The following CACNB2 variants were observed in gnomAD, a reference collection of about 807,000 sequenced individuals.
CACNB2 encodes calcium voltage-gated channel auxiliary subunit beta 2, also known as voltage-dependent L-type calcium channel subunit beta-2.
Under a neutral mutation model 73.3 loss-of-function variants are expected in CACNB2, and 42 were observed. That is an observed-to-expected ratio of 0.57 (90% CI 0.45 to 0.74). The LOEUF is 0.74. Among genes scored for constraint, CACNB2 ranks in the 30% least tolerant of loss-of-function variants. CACNB2 has a pLI of 0.00. For missense variants in CACNB2, 940 were observed against 853.0 expected, an observed-to-expected ratio of 1.10 and a Z score of -1.27; for synonymous variants, 348 against 310.3, an observed-to-expected ratio of 1.12 and a Z score of -1.28.
intron 2 of CACNB2, among the ~76,000 whole-genome samples, chr10:18,298,616 C>T (rs1389697231): frequency 2.0e-5 from 3 of 152,144 alleles, no homozygotes; most frequent in South Asian, 2.1e-4. Context: ...GGTCTATATC[C>T]GGTTTGGGGA....
intron 2 of CACNB2, among the ~76,000 whole-genome samples, chr10:18,187,363 G>C (rs1285583487): frequency 6.6e-6 from 1 of 152,168 alleles, no homozygotes; most frequent in African/African-American, 2.4e-5. Context: ...CAATTGACCT[G>C]CCTTAACATT....
chr10:18,521,844 A>G lies in CACNB2; in HGVS notation c.944+2876A>G, dbSNP rs184510217. On this transcript the variant is annotated intron_variant, in intron 9 of 13. Coordinates refer to ENST00000324631, the MANE Select transcript of CACNB2 (RefSeq NM_201596.3). The stretch of plus-strand genomic sequence containing the variant: ...TAAATGCAGTGCTTCTCTTCTCCAC[A>G]TTCCTTTCCTCCTCCCATCCTAACA... Among the ~76,000 whole-genome samples the G allele has an allele frequency of 1.9e-3, 290 of 152,250 alleles. 2 individuals carry two copies. Among genetic ancestry groups the G allele is most frequent in the African/African-American group, 6.8e-3 (284 of 41,562 alleles).
chr10:18,163,476 T>C (rs771043589), intron 2 of CACNB2, among the ~76,000 whole-genome samples: 6 of 152,098 alleles, frequency 3.9e-5, no homozygotes, highest in Admixed American at 2.0e-4. Context: ...ACCATGACCA[T>C]GGGCATGAGG....
At chr10:18,338,163 C>T (rs1384663844) in intron 2 of CACNB2, among the ~76,000 whole-genome samples, 1 of 152,188 alleles carries the variant, frequency 6.6e-6, no homozygotes, top group Non-Finnish European at 1.5e-5. Flanking sequence ...TTTCAAATTA[C>T]ATACCTGATA....
chr10:18,272,779 A>G (rs1297054362), intron 2 of CACNB2, among the ~76,000 whole-genome samples: 1 of 152,230 alleles, frequency 6.6e-6, no homozygotes, highest in Non-Finnish European at 1.5e-5. Context: ...CGCAGCCATG[A>G]AGAACTGTAA....
chr10:18,366,772 A>T (rs1299531197), intron 2 of CACNB2, among the ~76,000 whole-genome samples: 1 of 150,780 alleles, frequency 6.6e-6, no homozygotes, highest in Non-Finnish European at 1.5e-5. Context: ...AGCCTGGGCA[A>T]CAAAGCGAGA....
intron 2 of CACNB2, chr10:18,256,803 A>C (rs1291889943): frequency 7.0e-6 from 1 of 142,966 alleles, no homozygotes; most frequent in African/African-American, 2.5e-5. Flanking sequence ...TTAGCTGCGC[A>C]TGTTGGCACA....
chr10:18,356,738 C>A (rs911643940), intron 2 of CACNB2, among the ~76,000 whole-genome samples: 1 of 151,902 alleles, frequency 6.6e-6, no homozygotes, highest in East Asian at 1.9e-4. Context: ...TCAAGCAATC[C>A]TCCCATCTCA....
chr10:18,360,246 A>G (rs1002558621), intron 2 of CACNB2, among the ~76,000 whole-genome samples: 3 of 152,194 alleles, frequency 2.0e-5, no homozygotes, highest in African/African-American at 7.2e-5. Flanking sequence ...ATTTTAAGAG[A>G]CAGAGTCTCA....
intron 2 of CACNB2, among the ~76,000 whole-genome samples, chr10:18,355,959 A>G (rs1476817199): frequency 4.0e-5 from 6 of 151,860 alleles, no homozygotes; most frequent in Non-Finnish European, 8.8e-5. Flanking sequence ...TCTCCTCTGT[A>G]ATGTCCGAGT....
intron 2 of CACNB2, among the ~76,000 whole-genome samples, chr10:18,345,659 A>G (rs187393043): frequency 6.6e-6 from 1 of 152,272 alleles, no homozygotes; most frequent in Admixed American, 6.5e-5. Flanking sequence ...CCCCTATCCA[A>G]TACTATGCTA....
intron 6 of CACNB2, 110 bp downstream of exon 6, chr10:18,506,657 G>C: frequency 1.3e-6 from 1 of 751,648 alleles, no homozygotes; most frequent in East Asian, 2.6e-5. Flanking sequence ...TAACCCTACA[G>C]ATGTTAAAAG....
At chr10:18,213,244 A>G (rs2035388658) in intron 2 of CACNB2, among the ~76,000 whole-genome samples, 1 of 152,104 alleles carries the variant, frequency 6.6e-6, no homozygotes, top group African/African-American at 2.4e-5. Flanking sequence ...AGTTGCAGAG[A>G]CTCAACTCAG....
At chr10:18,454,817 TTGCTTGAGGCCAGG>T (rs2047194244) in intron 3 of CACNB2, among the ~76,000 whole-genome samples, 1 of 152,158 alleles carries the variant, frequency 6.6e-6, no homozygotes, top group South Asian at 2.1e-4. Flanking sequence ...GGCAGGAGAA[TTGCTTGAGGCCAGG>T]AGTTCAAGGC....
intron 4 of CACNB2, among the ~76,000 whole-genome samples, chr10:18,499,630 A>G: frequency 9.7e-6 from 1 of 103,362 alleles, no homozygotes; most frequent in Non-Finnish European, 2.2e-5. Flanking sequence ...AAAAAAAAAA[A>G]AAAAAAAAAG....
chr10:18,519,093 T>C (rs1268396635), intron 9 of CACNB2, 125 bp downstream of exon 9: 2 of 798,012 alleles, frequency 2.5e-6, no homozygotes, highest in African/African-American at 3.4e-5. Flanking sequence ...AGGAAACAAG[T>C]TTCACTCAAT....
chr10:18,141,117 C>T, intron 1 of CACNB2: 4 of 1,549,582 alleles, frequency 2.6e-6, no homozygotes, highest in Non-Finnish European at 3.5e-6. Context: ...TCCTCCCAGA[C>T]TTCTCCCGGG....
chr10:18,508,689 C>T (rs1477079595), intron 6 of CACNB2, among the ~76,000 whole-genome samples: 1 of 152,158 alleles, frequency 6.6e-6, no homozygotes, highest in Non-Finnish European at 1.5e-5. Context: ...TCACTAAACC[C>T]ATCATAAATA....
intron 2 of CACNB2, among the ~76,000 whole-genome samples, chr10:18,293,980 T>C (rs1031043073): frequency 6.6e-5 from 10 of 152,206 alleles, no homozygotes; most frequent in Non-Finnish European, 1.5e-4. Context: ...TGAAGTGAAA[T>C]GTATCTGGTC....
Sources: gnomAD v4.1 joint callset for allele counts (sites outside exome capture counted in the v4.1 genomes callset) on GRCh38, gnomAD v4.1.1 for gene constraint, MANE v1.5 for transcripts, NCBI Gene and HGNC (gene_info 2026-07-23, HGNC 2026-07-21) for gene names.